The following PEX5 variants were observed in gnomAD, a reference collection of about 807,000 sequenced individuals.
PEX5 encodes the protein peroxisomal biogenesis factor 5, also known as PTS1 receptor.
In PEX5, 52 loss-of-function variants were observed where a neutral mutation model predicts 82.9. The ratio of observed to expected loss-of-function variants is 0.63; its 90% CI spans 0.50 to 0.79. PEX5 has a LOEUF of 0.79. Among genes scored for constraint, PEX5 ranks in the 30% least tolerant of loss-of-function variants. The pLI, the probability that PEX5 is intolerant of heterozygous loss-of-function variation, is 0.00. For missense variants in PEX5, 719 were observed against 815.2 expected, an observed-to-expected ratio of 0.88 and a Z score of 1.44; for synonymous variants, 300 against 318.8, an observed-to-expected ratio of 0.94 and a Z score of 0.63.
chr12:7,200,056 GGCCGGGCGGGGGGCTGACCCC>G (rs1943545245), intron 6 of PEX5, among the ~76,000 whole-genome samples: 2 of 65,172 alleles, frequency 3.1e-5, no homozygotes, highest in African/African-American at 7.5e-5. Flanking sequence ...CGGGGCGGCT[GGCCGGGCGGGGGGCTGACCCC>G]CACCTCCCTC....
intron 6 of PEX5, among the ~76,000 whole-genome samples, chr12:7,201,230 T>A (rs139609771): frequency 1.3e-5 from 2 of 150,920 alleles, no homozygotes; most frequent in East Asian, 3.9e-4. Flanking sequence ...TATACACACG[T>A]ATACATATGT....
Position 7,202,443 on chromosome 12 carries a change from T to G in PEX5, c.753+92T>G, listed in dbSNP as rs74057855. The G allele has an allele frequency of 4.0e-6, 6 of 1,518,056 alleles. No homozygotes were observed. The South Asian group carries it at 5.7e-5, about 15-fold the overall frequency. 94.0% of individuals were successfully genotyped at this position (1,518,056 alleles called of 1,614,324 possible). ...GTCAGTGGTCCCAGATGGGGAAGGA[T>G]AAGACCAGCTTGTCTTGATAGCATC... is the stretch of plus-strand genomic sequence containing the variant. On this transcript the variant is annotated intron_variant, in intron 8 of 15. Coordinates refer to ENST00000675855, the MANE Select transcript of PEX5 (RefSeq NM_001351132.2).
intron 9 of PEX5, among the ~76,000 whole-genome samples, chr12:7,203,181 ATGCACTGCACTGCACTGCAC>A (rs752693758): frequency 2.4e-5 from 2 of 82,586 alleles, no homozygotes; most frequent in African/African-American, 7.1e-5. Context: ...AAACTAAACT[ATGCACTGCACTGCACTGCAC>A]TGCACTGCAC....
intron 5 of PEX5, among the ~76,000 whole-genome samples, chr12:7,198,108 C>T (rs1355271922): frequency 2.0e-5 from 3 of 152,100 alleles, no homozygotes; most frequent in African/African-American, 7.2e-5. Flanking sequence ...AACAGTTCAG[C>T]ACCCTCATTG....
At chr12:7,190,999 G>A (rs977486454) in intron 3 of PEX5, 76 bp downstream of exon 3, 6 of 1,429,472 alleles carry the variant, frequency 4.2e-6, no homozygotes, top group Admixed American at 3.3e-5. Context: ...TAGTTCACCC[G>A]TATTTCAATT....
Position 7,190,453 on chromosome 12 carries a change from C to T in PEX5, c.76C>T (p.Gln26Ter). The change falls in exon 2 of 16, where the codon CAG (glutamine) becomes TAG (stop). Residue 26 changes from glutamine to a stop codon, truncating the protein, a stop_gained. Coordinates refer to ENST00000675855, the MANE Select transcript of PEX5 (RefSeq NM_001351132.2). LOFTEE classifies it high-confidence loss of function. Reference protein sequence around the residue: ...PLMKLAGHFTQDKALRQEGLR... With the variant: ...PLMKLAGHFT ...CATGAAGCTCGCCGGGCACTTCACC[C>T]AGGACAAGGCCCTTCGGCAGGAGGG... is the stretch of plus-strand genomic sequence containing the variant. The T allele has an allele frequency of 6.2e-7, 1 of 1,614,216 alleles. No homozygotes were observed. Among genetic ancestry groups the T allele is most frequent in the Non-Finnish European group, 8.5e-7 (1 of 1,180,048 alleles).
chr12:7,208,937 A>G (rs983734113), intron 13 of PEX5, 68 bp from the exon 14 acceptor site: 3 of 1,393,874 alleles, frequency 2.2e-6, no homozygotes, highest in African/African-American at 2.8e-5. Context: ...CAATGAAGAA[A>G]TTAATTTGGG....
downstream of PEX5, among the ~76,000 whole-genome samples, chr12:7,215,945 AT>A (rs1945764717): frequency 6.8e-6 from 1 of 147,506 alleles, no homozygotes; most frequent in Non-Finnish European, 1.5e-5. Flanking sequence ...TTTGTAATCA[AT>A]TTAAATATAT....
rs1004980211 is a variant in PEX5, at chr12:7,191,375, G to T, written c.316+17G>T. ...CCCAGAGAGGTGAGTCCAGAGTCTA[G>T]TGGGAGGGGAGATCGTTTTCCATGT... On this transcript the variant is annotated intron_variant, in intron 4 of 15. Transcript: ENST00000675855. 3.1e-6 allele frequency: 5 copies of T among 1,614,220 alleles called. No individual in the cohort carries two copies. The highest frequency in any genetic ancestry group is 4.2e-6 in the Non-Finnish European group (5 of 1,180,044).
Position 7,210,183 on chromosome 12 carries a change from A to G in PEX5, c.1880A>G (p.Asp627Gly), listed in dbSNP as rs1430132701. The change falls in exon 16 of 16, where the codon GAT (aspartate) becomes GGT (glycine). Residue 627 changes from aspartate to glycine, a missense_variant. Asp to Gly is a moderately conservative substitution (Grantham distance 94). Coordinates refer to ENST00000675855, the MANE Select transcript of PEX5 (RefSeq NM_001351132.2). The part of the protein sequence containing the change: ...SDAYGAADAR[D>G]LSTLLTMFGL... ...GCCTATGGGGCAGCCGACGCGCGGG[A>G]TCTGTCCACCCTCCTAACTATGTTT... 5 of 1,614,164 alleles carry G rather than the reference A, an allele frequency of 3.1e-6. No individual in the cohort carries two copies. Among genetic ancestry groups the G allele is most frequent in the Non-Finnish European group, 4.2e-6 (5 of 1,180,022 alleles).
intron 15 of PEX5, 75 bp downstream of exon 15, chr12:7,209,915 T>A: frequency 6.2e-7 from 1 of 1,602,176 alleles, no homozygotes; most frequent in South Asian, 1.1e-5. Context: ...TATTCTTAGA[T>A]CCTGTTTGAC....
chr12:7,213,026 G>C (rs1316660299), downstream of PEX5, among the ~76,000 whole-genome samples: 1 of 152,072 alleles, frequency 6.6e-6, no homozygotes, highest in Non-Finnish European at 1.5e-5. Context: ...CAAGGGATGT[G>C]AAGGACCTCT....
At position 7,197,196 on chromosome 12, in the gene PEX5, TTA is replaced by T. The variant is rs1393209870; in HGVS notation, c.449-1809_449-1808del. Among the ~76,000 whole-genome samples the T allele has an allele frequency of 1.9e-4, 16 of 85,154 alleles. 1 individual carries two copies. The highest frequency in any genetic ancestry group is 1.2e-3 in the East Asian group (5 of 4,258). The allele number at this position is 85,154 out of a possible 152,430, so 55.9% of individuals were successfully genotyped here. A position where few individuals can be genotyped will look rare whatever the true frequency, so the allele number is the denominator to read the frequency against. On this transcript the variant is annotated intron_variant, in intron 5 of 15. Coordinates refer to ENST00000675855, the MANE Select transcript of PEX5 (RefSeq NM_001351132.2). ...ATTATATATGTCATATATAATGTAA[TTA>T]TATATGTCATATATAATGTAATTAT...
Position 7,199,012 on chromosome 12 carries a change from C to T in PEX5, c.450C>T (p.Asp150=), listed in dbSNP as rs1040757507. ...TCCCCACTTCTCTGCTCCTTGCAGA[C>T]CCCTTGTCTGTGTCCCCTGCCCGCT... ...WSQEFISEVT[D]PLSVSPARWA... is the part of the protein sequence containing the mutation. The change falls in exon 6 of 16, where the codon GAC becomes GAT. Residue 150 remains aspartate (D), a splice_region_variant and synonymous_variant. Coordinates refer to ENST00000675855, the MANE Select transcript of PEX5 (RefSeq NM_001351132.2). 3.2e-6 allele frequency: 5 copies of T among 1,584,092 alleles called. No homozygotes were observed. Among genetic ancestry groups the T allele is most frequent in the African/African-American group, 2.7e-5 (2 of 74,334 alleles).
Position 7,210,192 on chromosome 12 carries a change from C to T in PEX5, c.1889C>T (p.Thr630Ile), listed in dbSNP as rs1470907580. 7 of 1,614,188 alleles carry T rather than the reference C, an allele frequency of 4.3e-6. No individual in the cohort carries two copies. Among genetic ancestry groups the T allele is most frequent in the Non-Finnish European group, 5.9e-6 (7 of 1,180,032 alleles). Residue 630 changes from threonine (T) to isoleucine (I), a missense_variant, in exon 16 of 16, where the codon ACC (threonine) becomes ATC (isoleucine). Physicochemically the swap from Thr to Ile is moderately conservative, Grantham distance 89 (BLOSUM62 -1). Coordinates refer to ENST00000675855, the MANE Select transcript of PEX5 (RefSeq NM_001351132.2). The stretch of plus-strand genomic sequence containing the variant: ...GCAGCCGACGCGCGGGATCTGTCCA[C>T]CCTCCTAACTATGTTTGGCCTGCCC... The part of the protein sequence containing the change: ...YGAADARDLS[T>I]LLTMFGLPQ
chr12:7,208,920 G>A, intron 13 of PEX5, 85 bp from the exon 14 acceptor site: 1 of 1,213,768 alleles, frequency 8.2e-7, no homozygotes, highest in Non-Finnish European at 1.2e-6. Context: ...TTGGGGATAT[G>A]GTTGATCAAT....
chr12:7,198,241 G>A (rs1307769172), intron 5 of PEX5, among the ~76,000 whole-genome samples: 1 of 152,168 alleles, frequency 6.6e-6, no homozygotes, highest in African/African-American at 2.4e-5. Context: ...TCAAAAGTGA[G>A]AAAAGTCAGA....
At chr12:7,204,918 A>G (rs988988657) in intron 10 of PEX5, among the ~76,000 whole-genome samples, 2 of 152,154 alleles carry the variant, frequency 1.3e-5, no homozygotes, top group African/African-American at 4.8e-5. Context: ...CAAGAATAGA[A>G]ATGTGGAAAG....
chr12:7,213,661 C>T (rs1488122017), downstream of PEX5, among the ~76,000 whole-genome samples: 2 of 148,814 alleles, frequency 1.3e-5, no homozygotes, highest in Non-Finnish European at 3.0e-5. Flanking sequence ...AGGACATAGG[C>T]ATGGGCAAGG....
Sources: allele counts gnomAD v4.1 joint callset (sites outside exome capture counted in the v4.1 genomes callset), GRCh38; gene constraint gnomAD v4.1.1; transcripts MANE v1.5; gene names NCBI Gene and HGNC (gene_info 2026-07-23, HGNC 2026-07-21).